PDE10A: variants seen among roughly 807,000 people sequenced by gnomAD.
The protein encoded by PDE10A is cAMP and cAMP-inhibited cGMP 3',5'-cyclic phosphodiesterase 10A.
Under a neutral mutation model 97.7 loss-of-function variants are expected in PDE10A, and 39 were observed. The observed-to-expected ratio is 0.40, with a 90% CI of 0.31 to 0.52. The LOEUF (loss-of-function observed/expected upper bound fraction) is 0.52. Ranked by LOEUF, PDE10A falls within the 20% of genes least tolerant of loss-of-function variation. The probability of loss-of-function intolerance (pLI) is 0.56; values close to 1 mark genes in which losing one functional copy is unlikely to be tolerated. For synonymous variants in PDE10A, 371 were observed against 376.8 expected (o/e 0.98, Z 0.18); for missense variants, 731 against 1,047.8 (o/e 0.70, Z 4.17).
intron 1 of PDE10A, among the ~76,000 whole-genome samples, chr6:165,668,522 GC>G (rs1790552402): frequency 6.6e-6 from 1 of 151,994 alleles, no homozygotes; most frequent in African/African-American, 2.4e-5. Context: ...TTTATAATAG[GC>G]CTTGGCATGT....
chr6:165,875,545 A>G (rs2280556), intron 1 of PDE10A, among the ~76,000 whole-genome samples: 69,131 of 152,018 alleles, frequency 0.45, 16,303 homozygotes, highest in East Asian at 0.65. Context: ...CACAAGACAA[A>G]ACCATTGATT....
At chr6:165,739,172 T>G (rs1792656104) in intron 1 of PDE10A, among the ~76,000 whole-genome samples, 1 of 152,180 alleles carries the variant, frequency 6.6e-6, no homozygotes. Flanking sequence ...GGACCCTGGA[T>G]AGTCAAAGCA....
intron 1 of PDE10A, among the ~76,000 whole-genome samples, chr6:165,608,077 TATATGTATATATATGTGC>T (rs1787302514): frequency 1.5e-5 from 2 of 136,478 alleles, no homozygotes; most frequent in African/African-American, 6.8e-5. Flanking sequence ...TATATATGTA[TATATGTATATATATGTGC>T]ATATATATAC....
chr6:165,634,145 G>A (rs192252551), intron 1 of PDE10A, among the ~76,000 whole-genome samples: 4 of 152,234 alleles, frequency 2.6e-5, no homozygotes, highest in South Asian at 4.1e-4. Context: ...AGGAATTTGC[G>A]TTTTTAGTAT....
chr6:165,652,687 A>T (rs964020290), intron 1 of PDE10A, among the ~76,000 whole-genome samples: 3 of 152,122 alleles, frequency 2.0e-5, no homozygotes, highest in African/African-American at 7.2e-5. Flanking sequence ...TTTTTCCAAC[A>T]GAGTAAACTG....
intron 1 of PDE10A, among the ~76,000 whole-genome samples, chr6:165,608,074 G>A (rs1387928251): frequency 2.9e-5 from 4 of 136,266 alleles, no homozygotes; most frequent in African/African-American, 1.0e-4. Context: ...ATATATATAT[G>A]TATATATGTA....
At chr6:165,922,065 A>G (rs1230865645) in intron 1 of PDE10A, among the ~76,000 whole-genome samples, 1 of 152,236 alleles carries the variant, frequency 6.6e-6, no homozygotes, top group Non-Finnish European at 1.5e-5. Flanking sequence ...CTTGAAGATT[A>G]TAGGGCCAGT....
chr6:165,845,583 T>C (rs1434790962), intron 1 of PDE10A, among the ~76,000 whole-genome samples: 2 of 152,324 alleles, frequency 1.3e-5, no homozygotes, highest in East Asian at 3.9e-4. Flanking sequence ...TGTTGGAATC[T>C]AGAGGATATG....
chr6:165,434,016 CAAAAAAAAAAA>C (rs759945561), intron 6 of PDE10A, among the ~76,000 whole-genome samples: 1 of 54,552 alleles, frequency 1.8e-5, no homozygotes, highest in South Asian at 8.5e-4. Flanking sequence ...GACTCCGTCT[CAAAAAAAAAAA>C]AAAAAAAAAA....
At chr6:165,523,249 C>T (rs1403292067) in intron 2 of PDE10A, among the ~76,000 whole-genome samples, 3 of 152,116 alleles carry the variant, frequency 2.0e-5, no homozygotes, top group African/African-American at 7.2e-5. Context: ...CGTCATTTTT[C>T]ACAGAATTAG....
At chr6:165,620,085 A>G (rs140633729) in intron 1 of PDE10A, among the ~76,000 whole-genome samples, 115 of 152,124 alleles carry the variant, frequency 7.6e-4, no homozygotes, top group Middle Eastern at 6.8e-3. Context: ...CCCTACTTAC[A>G]TGCTTCACTC....
chr6:165,730,820 T>C (rs1792415239), intron 1 of PDE10A, among the ~76,000 whole-genome samples: 1 of 147,310 alleles, frequency 6.8e-6, no homozygotes, highest in Non-Finnish European at 1.5e-5. Context: ...CCGAGGTGGG[T>C]GGATCACAAG....
At chr6:165,822,212 CCACCA>C (rs1275097448) in intron 1 of PDE10A, among the ~76,000 whole-genome samples, 5 of 152,064 alleles carry the variant, frequency 3.3e-5, no homozygotes, top group Admixed American at 3.3e-4. Context: ...ATGGCACAGT[CCACCA>C]CACACCTGGG....
chr6:165,483,731 T>C (rs1253508576), intron 2 of PDE10A, among the ~76,000 whole-genome samples: 3 of 152,230 alleles, frequency 2.0e-5, no homozygotes, highest in Non-Finnish European at 4.4e-5. Context: ...CAAGACCGCA[T>C]AGAGTCACCT....
At chr6:165,411,540 A>G (rs907590880) in intron 13 of PDE10A, among the ~76,000 whole-genome samples, 2 of 152,210 alleles carry the variant, frequency 1.3e-5, no homozygotes, top group Non-Finnish European at 2.9e-5. Context: ...CCAGCCTCCA[A>G]AACTGTGAGA....
chr6:165,378,730 T>C (rs60201680), intron 18 of PDE10A, among the ~76,000 whole-genome samples: 12,480 of 152,278 alleles, frequency 0.082, 580 homozygotes, highest in Middle Eastern at 0.2. Context: ...ATTCTGACCC[T>C]TGTGACTGCC....
intron 1 of PDE10A, among the ~76,000 whole-genome samples, chr6:165,552,903 T>C (rs2128330951): frequency 6.6e-6 from 1 of 152,162 alleles, no homozygotes; most frequent in South Asian, 2.1e-4. Flanking sequence ...GTGCTATAGG[T>C]TTGTTTGCTG....
chr6:165,653,339 T>A (rs559342456), intron 1 of PDE10A, among the ~76,000 whole-genome samples: 1 of 152,190 alleles, frequency 6.6e-6, no homozygotes, highest in Admixed American at 6.5e-5. Flanking sequence ...AGCAGACAAC[T>A]GTAAGCACCA....
intron 1 of PDE10A, among the ~76,000 whole-genome samples, chr6:165,697,704 C>A (rs1028122030): frequency 6.6e-6 from 1 of 152,108 alleles, no homozygotes; most frequent in African/African-American, 2.4e-5. Context: ...CTTTCAGGGA[C>A]TGGGTAGATG....
Sources: gnomAD v4.1 joint callset for allele counts (sites outside exome capture counted in the v4.1 genomes callset) on GRCh38, gnomAD v4.1.1 for gene constraint, MANE v1.5 for transcripts, NCBI Gene and HGNC (gene_info 2026-07-23, HGNC 2026-07-21) for gene names.